SNRPN: variants seen among roughly 807,000 people sequenced by gnomAD.
SNRPN encodes small nuclear ribonucleoprotein polypeptide N.
In SNRPN, 7 loss-of-function variants were observed where a neutral mutation model predicts 25.2. The observed-to-expected ratio is 0.28, with a 90% confidence interval of 0.16 to 0.52. The LOEUF is 0.52. Ranked by LOEUF, SNRPN falls within the 20% of genes least tolerant of loss-of-function variation. The pLI is 0.96. For synonymous variants in SNRPN, 124 were observed against 110.6 expected, an observed-to-expected ratio of 1.12 and a Z score of -0.76; for missense variants, 196 against 322.5, an observed-to-expected ratio of 0.61 and a Z score of 3.00.
chr15:24,887,469 G>C (rs747517959), intron 2 of SNRPN, among the ~76,000 whole-genome samples: 2 of 149,896 alleles, frequency 1.3e-5, no homozygotes, highest in Non-Finnish European at 3.0e-5. Flanking sequence ...TTAATGCTGA[G>C]TTGAACTTTG....
chr15:24,849,089 C>A (rs1177819878), intron 2 of SNRPN: 1 of 152,130 alleles, frequency 6.6e-6, no homozygotes, highest in African/African-American at 2.4e-5. Flanking sequence ...CATGCCACCA[C>A]GCCCAGCTAA....
At chr15:24,862,980 A>T (rs1249950189) in intron 1 of SNRPN, among the ~76,000 whole-genome samples, 1 of 150,998 alleles carries the variant, frequency 6.6e-6, no homozygotes, top group East Asian at 2.0e-4. Context: ...ACAGCTCTGG[A>T]AGTGATGCAG....
intron 1 of SNRPN, among the ~76,000 whole-genome samples, chr15:24,884,410 G>A (rs192732322): frequency 1.3e-5 from 2 of 152,238 alleles, no homozygotes; most frequent in Admixed American, 1.3e-4. Flanking sequence ...AGTAAGACTT[G>A]GTGTAAAGGT....
At chr15:24,844,867 C>A (rs549142006) in intron 2 of SNRPN, among the ~76,000 whole-genome samples, 6 of 152,090 alleles carry the variant, frequency 3.9e-5, no homozygotes, top group Non-Finnish European at 8.8e-5. Context: ...TTATTCCCTA[C>A]CATTATATAT....
At chr15:24,944,861 AG>A (rs1289074724) in intron 3 of SNRPN, among the ~76,000 whole-genome samples, 4 of 152,200 alleles carry the variant, frequency 2.6e-5, no homozygotes, top group Admixed American at 1.3e-4. Context: ...TTGATGTTGT[AG>A]CTCTAGACCA....
rs901569269 is a variant in SNRPN, at chr15:24,968,023, C to A, written c.-203C>A. On this transcript the variant is annotated 5_prime_UTR_variant, in exon 3 of 10. Coordinates refer to ENST00000390687, the MANE Select transcript of SNRPN (RefSeq NM_003097.6). ...GAGGCAGGCATTCTTAGCTGAGACA[C>A]CAAGAGGTGGTTAAAGCCATATTGG... 1.2e-6 allele frequency: 2 copies of A among 1,613,790 alleles called. No individual in the cohort carries two copies. The highest frequency in any genetic ancestry group is 1.7e-6 in the Non-Finnish European group (2 of 1,179,968).
At chr15:24,883,643 T>G (rs561630754) in intron 1 of SNRPN, among the ~76,000 whole-genome samples, 12 of 152,296 alleles carry the variant, frequency 7.9e-5, no homozygotes, top group East Asian at 1.9e-4. Context: ...TATCTGTGCT[T>G]CTTTGTGGAT....
At chr15:24,827,421 C>A (rs184793511) in intron 1 of SNRPN, among the ~76,000 whole-genome samples, 1 of 145,244 alleles carries the variant, frequency 6.9e-6, no homozygotes, top group East Asian at 2.1e-4. Context: ...GAGGCTGAGG[C>A]GGGAGAATGG....
chr15:24,877,448 C>T (rs1296668840), intron 1 of SNRPN, among the ~76,000 whole-genome samples: 2 of 152,280 alleles, frequency 1.3e-5, no homozygotes, highest in East Asian at 3.9e-4. Flanking sequence ...GGTCCAGGAA[C>T]CAAGAATGAC....
intron 2 of SNRPN, among the ~76,000 whole-genome samples, chr15:24,916,912 T>G (rs1020289236): frequency 1.3e-5 from 2 of 152,174 alleles, no homozygotes; most frequent in Non-Finnish European, 2.9e-5. Flanking sequence ...AAGAACAAAA[T>G]TTCCACAGCA....
At chr15:24,864,339 C>CTTTTTTTTTTT (rs58622804) in intron 1 of SNRPN, among the ~76,000 whole-genome samples, 1 of 117,262 alleles carries the variant, frequency 8.5e-6, no homozygotes, top group Admixed American at 8.9e-5. Flanking sequence ...CTCTTCTTTT[C>CTTTTTTTTTTT]TTTTTTTTTT....
At chr15:24,838,646 G>C (rs769376951) in intron 2 of SNRPN, among the ~76,000 whole-genome samples, 2 of 151,968 alleles carry the variant, frequency 1.3e-5, no homozygotes, top group Non-Finnish European at 2.9e-5. Context: ...TCCCTGTGCT[G>C]AGGTTACTAC....
At position 24,931,127 on chromosome 15, in the gene SNRPN, T is replaced by C. The variant is rs190366040; in HGVS notation, c.-391+11003T>C. On this transcript the variant is annotated intron_variant, in intron 3 of 11. Coordinates refer to the SNRPN transcript ENST00000400097. ...AGAGTACGTTACTACAAGCTAACTT[T>C]TAAAAAAGTCATATTATTTGATTAC... Among the ~76,000 whole-genome samples, 702 of 152,270 alleles carry C rather than the reference T, an allele frequency of 4.6e-3. 8 individuals are homozygous for C. The highest frequency in any genetic ancestry group is 0.016 in the African/African-American group (665 of 41,556).
chr15:24,878,048 G>C (rs1258929026), intron 1 of SNRPN, among the ~76,000 whole-genome samples: 2 of 152,174 alleles, frequency 1.3e-5, no homozygotes, highest in Non-Finnish European at 2.9e-5. Flanking sequence ...TGTAAAACTA[G>C]TTGACTCTTA....
In SNRPN at chr15:24,848,213, G is replaced by GGGGGGCGGGGGCGGCGGC. The variant is rs1566821287; in HGVS notation, c.-579+18325_-579+18326insCGGGGGCGGGGGCGGCGG. 34 of 110,958 alleles carry GGGGGGCGGGGGCGGCGGC rather than the reference G, an allele frequency of 3.1e-4. 2 individuals are homozygous for GGGGGGCGGGGGCGGCGGC. The highest frequency in any genetic ancestry group is 9.3e-4 in the Admixed American group (10 of 10,744). The allele number at this position is 110,958 out of a possible 1,614,324, so 6.9% of individuals were successfully genotyped here. ...TGTGGGAAGGTCACAGGACGGAGCT[G>GGGGGGCGGGGGCGGCGGC]GGGGGCGGGGGCGGCGGTGGGGGCG... On this transcript the variant is annotated intron_variant, in intron 2 of 12. Coordinates refer to the SNRPN transcript ENST00000400100.
intron 3 of SNRPN, among the ~76,000 whole-genome samples, chr15:24,946,392 G>C (rs1262030044): frequency 6.6e-6 from 1 of 152,158 alleles, no homozygotes; most frequent in African/African-American, 2.4e-5. Flanking sequence ...GGGTAACAGA[G>C]TGAGACCCTG....
chr15:24,901,508 C>T (rs989579971), intron 2 of SNRPN, among the ~76,000 whole-genome samples: 1 of 152,184 alleles, frequency 6.6e-6, no homozygotes, highest in Non-Finnish European at 1.5e-5. Context: ...GAAAAGAACA[C>T]TTGTTTGTAT....
chr15:24,933,261 A>G (rs937563551), intron 3 of SNRPN, among the ~76,000 whole-genome samples: 1 of 152,148 alleles, frequency 6.6e-6, no homozygotes, highest in Non-Finnish European at 1.5e-5. Context: ...CCCTGTCTCA[A>G]AAAAACAAAA....
intron 2 of SNRPN, among the ~76,000 whole-genome samples, chr15:24,913,429 G>A (rs1252868744): frequency 6.6e-6 from 1 of 152,090 alleles, no homozygotes; most frequent in East Asian, 1.9e-4. Flanking sequence ...GATCACTTGA[G>A]GTCAGGAGTT....
Sources: allele counts gnomAD v4.1 joint callset (sites outside exome capture counted in the v4.1 genomes callset), GRCh38; gene constraint gnomAD v4.1.1; transcripts MANE v1.5; gene names NCBI Gene and HGNC (gene_info 2026-07-23, HGNC 2026-07-21).